The following ZNF41 variants were observed in gnomAD, a reference collection of about 807,000 sequenced individuals.
ZNF41 encodes the protein zinc finger protein 41.
A neutral mutation model predicts 9.3 loss-of-function variants in ZNF41; 6 were observed. The observed-to-expected ratio is 0.65, with a 90% CI of 0.35 to 1.28. The LOEUF is 1.28. Among genes scored for constraint, ZNF41 ranks in the 50% most tolerant of loss-of-function variants. The pLI is 0.03. For missense variants in ZNF41, 523 were observed against 585.8 expected (o/e 0.89, Z 1.11); for synonymous variants, 192 against 207.1 (o/e 0.93, Z 0.63).
chrX:47,474,206 C>T (rs1427508781), intron 1 of ZNF41, among the ~76,000 whole-genome samples: 2 of 112,648 alleles, frequency 1.8e-5, no homozygotes, highest in Non-Finnish European at 3.8e-5. Flanking sequence ...GTGGCTCACG[C>T]CTGTAATCCC....
intron 1 of ZNF41, among the ~76,000 whole-genome samples, chrX:47,474,142 T>C (rs1251650034): frequency 1.8e-5 from 2 of 112,229 alleles, no homozygotes; most frequent in African/African-American, 6.5e-5. Context: ...TCAAGGACAT[T>C]ATGCTGAGTG....
At chrX:47,469,087 G>A (rs1176784663) in intron 1 of ZNF41, among the ~76,000 whole-genome samples, 1 of 108,205 alleles carries the variant, frequency 9.2e-6, no homozygotes, top group African/African-American at 3.4e-5. Context: ...CGAGGCGGGC[G>A]GATCACGAGG....
At chrX:47,472,140 C>G (rs1161687544) in intron 1 of ZNF41, among the ~76,000 whole-genome samples, 1 of 111,518 alleles carries the variant, frequency 9.0e-6, no homozygotes. Context: ...CTATTTGACT[C>G]CAGTTCTCTC....
chrX:47,468,575 C>T (rs2057067464), intron 1 of ZNF41, among the ~76,000 whole-genome samples: 1 of 111,122 alleles, frequency 9.0e-6, no homozygotes, highest in Non-Finnish European at 1.9e-5. Flanking sequence ...AAATTATCAC[C>T]AACCCAGGCA....
rs972369863 is a variant in ZNF41 at position 47,479,236 on chromosome X, GA to G, written c.-280+3858del. Among the ~76,000 whole-genome samples, 5 of 108,388 alleles carry G rather than the reference GA, an allele frequency of 4.6e-5. No homozygotes were observed. The South Asian group carries it at 1.2e-3, about 25-fold the overall frequency. The allele number at this position is 108,388 out of a possible 115,157, so 94.1% of individuals were successfully genotyped here. On this transcript the variant is annotated intron_variant, in intron 1 of 4. Coordinates refer to ENST00000684689, the MANE Select transcript of ZNF41 (RefSeq NM_001324144.2). ...GATGAATGATACAATAAAGCTGTTA[GA>G]AAAAAAAAATCATAGCTAGTAAGTG... is the stretch of plus-strand genomic sequence containing the variant.
chrX:47,457,402 A>T (rs1291264648), intron 2 of ZNF41, among the ~76,000 whole-genome samples: 1 of 107,402 alleles, frequency 9.3e-6, no homozygotes, highest in African/African-American at 3.4e-5. Context: ...ACAGAGTGAG[A>T]CTCCGTCTAA....
Position 47,469,510 on chromosome X carries a change from A to G in ZNF41, c.-279-1750T>C, listed in dbSNP as rs186495127. The stretch of plus-strand genomic sequence containing the variant: ...GGATTCTTGCAATTGATATATAATT[A>G]TATCTGGATAAAGAAAAACAATGTA... On this transcript the variant is annotated intron_variant, in intron 1 of 4. Transcript: ENST00000684689. Among the ~76,000 whole-genome samples, 17 of 110,967 alleles carry G rather than the reference A, an allele frequency of 1.5e-4. No homozygotes were observed. In the East Asian group the frequency reaches 4.8e-3, roughly 31 times the overall value.
intron 1 of ZNF41, among the ~76,000 whole-genome samples, chrX:47,471,269 T>G (rs2057183699): frequency 9.1e-6 from 1 of 109,963 alleles, no homozygotes; most frequent in Non-Finnish European, 1.9e-5. Context: ...GCTAATATGG[T>G]AAAACCCTAT....
At chrX:47,460,547 C>G (rs1369840873) in intron 2 of ZNF41, among the ~76,000 whole-genome samples, 1 of 111,469 alleles carries the variant, frequency 9.0e-6, no homozygotes, top group Non-Finnish European at 1.9e-5. Flanking sequence ...ATGTAGAGAA[C>G]TTGTACAAAC....
At chrX:47,469,180 G>A (rs866924544) in intron 1 of ZNF41, among the ~76,000 whole-genome samples, 4 of 102,177 alleles carry the variant, frequency 3.9e-5, no homozygotes, top group Non-Finnish European at 6.0e-5. Context: ...GCGTAGTGGC[G>A]GGCGCCTGTA....
chrX:47,466,616 G>T (rs1012384427), intron 2 of ZNF41, among the ~76,000 whole-genome samples: 1 of 110,814 alleles, frequency 9.0e-6, no homozygotes, highest in African/African-American at 3.3e-5. Flanking sequence ...CTAGGTTCAA[G>T]CCATTCTCCT....
At chrX:47,468,032 G>A (rs1290338672) in intron 1 of ZNF41, among the ~76,000 whole-genome samples, 1 of 111,725 alleles carries the variant, frequency 9.0e-6, no homozygotes, top group Non-Finnish European at 1.9e-5. Flanking sequence ...ATTAAATAGT[G>A]CTATTATTAC....
chrX:47,467,630 A>T lies in ZNF41; in HGVS notation c.-149T>A. 1.6e-6 allele frequency: 1 copy of T among 643,764 alleles called. No homozygotes were observed. Among genetic ancestry groups the T allele is most frequent in the Non-Finnish European group, 2.4e-6 (1 of 419,615 alleles). The allele number at this position is 643,764 out of a possible 1,213,427, so 53.1% of individuals were successfully genotyped here. ...AAGGAAGATCCTGCAGTTTCCACTA[A>T]GAAGCCTGGCCCCCAGACTCTGCAG... On this transcript the variant is annotated 5_prime_UTR_variant, in exon 2 of 5. Transcript: ENST00000684689.
intron 1 of ZNF41, among the ~76,000 whole-genome samples, chrX:47,469,118 C>T (rs1187323330): frequency 3.9e-5 from 4 of 103,623 alleles, no homozygotes; most frequent in South Asian, 8.9e-4. Context: ...GAGACCATCC[C>T]GGCTAAAACG....
At chrX:47,477,398 C>T (rs1391553262) in intron 1 of ZNF41, among the ~76,000 whole-genome samples, 3 of 112,653 alleles carry the variant, frequency 2.7e-5, no homozygotes, top group Non-Finnish European at 3.8e-5. Flanking sequence ...CCCACCTCGG[C>T]CTCCCAAAGT....
intron 1 of ZNF41, among the ~76,000 whole-genome samples, chrX:47,477,824 T>C (rs1268401009): frequency 8.9e-6 from 1 of 112,591 alleles, no homozygotes; most frequent in East Asian, 2.8e-4. Context: ...TCACTCCTTA[T>C]ACCAGTCATT....
chrX:47,463,428 T>C (rs757536152), intron 2 of ZNF41, among the ~76,000 whole-genome samples: 21 of 111,149 alleles, frequency 1.9e-4, no homozygotes, highest in Non-Finnish European at 3.6e-4. Context: ...CAAACCAGGA[T>C]GGTCCTGGGA....
intron 2 of ZNF41, among the ~76,000 whole-genome samples, chrX:47,464,094 C>T (rs912833776): frequency 4.5e-5 from 5 of 111,213 alleles, no homozygotes; most frequent in Admixed American, 9.7e-5. Context: ...ACTGACTGCT[C>T]CGTCTGGCTG....
chrX:47,479,315 G>A (rs1044164740), intron 1 of ZNF41, among the ~76,000 whole-genome samples: 1 of 111,749 alleles, frequency 8.9e-6, no homozygotes, highest in East Asian at 2.8e-4. Context: ...TTCAATAAAT[G>A]TTTATTGAAT....
Sources: gnomAD v4.1 joint callset for allele counts (sites outside exome capture counted in the v4.1 genomes callset) on GRCh38, gnomAD v4.1.1 for gene constraint, MANE v1.5 for transcripts, NCBI Gene and HGNC (gene_info 2026-07-23, HGNC 2026-07-21) for gene names.